PRKAA2: variants seen among roughly 807,000 people sequenced by gnomAD.
PRKAA2 encodes 5'-AMP-activated protein kinase catalytic subunit alpha-2.
In PRKAA2, 40 loss-of-function variants were observed where a neutral mutation model predicts 56.3. The observed-to-expected ratio is 0.71, with a 90% CI of 0.55 to 0.92. The LOEUF (loss-of-function observed/expected upper bound fraction) is 0.92, where lower values mean the gene tolerates loss of function less well. PRKAA2 is among the 40% of genes least tolerant of loss of function. The pLI is 0.00. For missense variants in PRKAA2, 542 were observed against 686.9 expected (o/e 0.79, Z 2.36); for synonymous variants, 214 against 234.2 (o/e 0.91, Z 0.79).
intron 1 of PRKAA2, among the ~76,000 whole-genome samples, chr1:56,669,994 C>G (rs1253340029): frequency 1.3e-5 from 2 of 152,142 alleles, no homozygotes; most frequent in Non-Finnish European, 2.9e-5. Flanking sequence ...GATTTTTCCC[C>G]TCTTAAAATT....
At chr1:56,656,214 AAAGGATG>A (rs1223910795) in intron 1 of PRKAA2, among the ~76,000 whole-genome samples, 2 of 152,186 alleles carry the variant, frequency 1.3e-5, no homozygotes, top group African/African-American at 4.8e-5. Flanking sequence ...AAGATAGACA[AAAGGATG>A]AAAAGAAAGT....
intron 1 of PRKAA2, among the ~76,000 whole-genome samples, chr1:56,650,158 G>A (rs7547486): frequency 0.44 from 66,121 of 151,892 alleles, 14,955 homozygotes; most frequent in Middle Eastern, 0.54. Context: ...ATGGACCAAA[G>A]TTAGGGACAA....
intron 1 of PRKAA2, among the ~76,000 whole-genome samples, chr1:56,666,410 T>A (rs989607715): frequency 1.5e-4 from 23 of 152,144 alleles, no homozygotes; most frequent in Non-Finnish European, 1.6e-4. Context: ...AATCAGACTG[T>A]TGAGTTGGTG....
intron 1 of PRKAA2, among the ~76,000 whole-genome samples, chr1:56,671,658 G>T (rs930401461): frequency 2.0e-5 from 3 of 152,174 alleles, no homozygotes; most frequent in African/African-American, 7.2e-5. Context: ...CAGAAACTCA[G>T]TTCTTCCTAA....
chr1:56,674,947 A>T (rs1003349814), intron 2 of PRKAA2, among the ~76,000 whole-genome samples: 1 of 152,054 alleles, frequency 6.6e-6, no homozygotes. Context: ...GAAAGATAGA[A>T]AGTATATGTC....
At chr1:56,652,531 G>T (rs1270957246) in intron 1 of PRKAA2, among the ~76,000 whole-genome samples, 1 of 152,138 alleles carries the variant, frequency 6.6e-6, no homozygotes, top group Non-Finnish European at 1.5e-5. Context: ...AGAAAACATT[G>T]GTATAAGAAG....
chr1:56,646,248 C>T (rs1396981125), intron 1 of PRKAA2, among the ~76,000 whole-genome samples: 1 of 152,038 alleles, frequency 6.6e-6, no homozygotes, highest in Non-Finnish European at 1.5e-5. Context: ...TGGATTGGGT[C>T]AGAGGTTAAT....
intron 6 of PRKAA2, among the ~76,000 whole-genome samples, chr1:56,701,831 T>C (rs1404497923): frequency 6.6e-6 from 1 of 151,852 alleles, no homozygotes; most frequent in Non-Finnish European, 1.5e-5. Context: ...GAAGCAGAGC[T>C]TGCAGTGAGT....
chr1:56,659,397 TGAGGCAGGAGAATC>T (rs1271149882), intron 1 of PRKAA2, among the ~76,000 whole-genome samples: 1 of 150,290 alleles, frequency 6.7e-6, no homozygotes, highest in Non-Finnish European at 1.5e-5. Context: ...CTTCAGAGGC[TGAGGCAGGAGAATC>T]GCTTGAATCT....
At chr1:56,657,537 G>A (rs1643955660) in intron 1 of PRKAA2, among the ~76,000 whole-genome samples, 1 of 152,078 alleles carries the variant, frequency 6.6e-6, no homozygotes, top group Non-Finnish European at 1.5e-5. Flanking sequence ...TTGGCCAGAT[G>A]TGGTAGCACA....
intron 2 of PRKAA2, among the ~76,000 whole-genome samples, chr1:56,678,320 G>A (rs568724605): frequency 1.3e-5 from 2 of 152,332 alleles, no homozygotes; most frequent in African/African-American, 4.8e-5. Context: ...AACAGAGAGA[G>A]CAACCTTACC....
chr1:56,646,020 A>T (rs1282292134), intron 1 of PRKAA2, among the ~76,000 whole-genome samples: 6 of 152,162 alleles, frequency 3.9e-5, no homozygotes, highest in Admixed American at 1.3e-4. Flanking sequence ...ACCCCTAGAG[A>T]TGTAGTAACA....
chr1:56,657,497 G>A (rs2100385410), intron 1 of PRKAA2, among the ~76,000 whole-genome samples: 1 of 152,208 alleles, frequency 6.6e-6, no homozygotes, highest in East Asian at 1.9e-4. Flanking sequence ...CCAACATGGT[G>A]AAACCCCATC....
chr1:56,650,115 A>G (rs1234285920), intron 1 of PRKAA2, among the ~76,000 whole-genome samples: 1 of 152,124 alleles, frequency 6.6e-6, no homozygotes, highest in African/African-American at 2.4e-5. Context: ...AGAAATAAAG[A>G]AATTTTAACT....
chr1:56,674,577 T>A (rs922346135), intron 2 of PRKAA2, 55 bp downstream of exon 2: 3 of 1,316,472 alleles, frequency 2.3e-6, no homozygotes, highest in Non-Finnish European at 3.0e-6. Flanking sequence ...AAAATGTTTT[T>A]TAGGAATTTT....
intron 1 of PRKAA2, among the ~76,000 whole-genome samples, chr1:56,666,846 A>G (rs542380117): frequency 3.3e-5 from 5 of 152,278 alleles, no homozygotes; most frequent in Admixed American, 2.0e-4. Flanking sequence ...TCTTACTCCA[A>G]TTTTCCAATT....
Position 56,674,407 on chromosome 1 carries a change from A to T in PRKAA2, c.121A>T (p.Lys41Ter). Reference protein sequence around the residue: ...KIGEHQLTGHKVAVKILNRQK... With the variant: ...KIGEHQLTGH ...TGGAGAACATCAATTAACAGGCCAT[A>T]AAGTGGCAGTTAAAATCTTAAATAG... The change falls in exon 2 of 9, where the codon AAA (lysine) becomes TAA (stop). Residue 41 changes from lysine to a stop codon, truncating the protein, a stop_gained. Coordinates refer to ENST00000371244, the MANE Select transcript of PRKAA2 (RefSeq NM_006252.4). LOFTEE classifies it high-confidence loss of function. 1 of 1,580,976 alleles carries T rather than the reference A, an allele frequency of 6.3e-7. No homozygotes were observed. Among genetic ancestry groups the T allele is most frequent in the Non-Finnish European group, 8.6e-7 (1 of 1,167,238 alleles).
chr1:56,648,029 C>CAA (rs77883110), intron 1 of PRKAA2, among the ~76,000 whole-genome samples: 12 of 107,904 alleles, frequency 1.1e-4, no homozygotes, highest in East Asian at 7.5e-4. Flanking sequence ...GACTCCATCT[C>CAA]AAAAAAAAAA....
chr1:56,678,481 G>GA (rs919257143), intron 2 of PRKAA2, among the ~76,000 whole-genome samples: 19 of 149,978 alleles, frequency 1.3e-4, no homozygotes, highest in South Asian at 4.2e-4. Context: ...AACCCAAATT[G>GA]AAAAAAAAAT....
Sources: gnomAD v4.1 joint callset for allele counts (sites outside exome capture counted in the v4.1 genomes callset) on GRCh38, gnomAD v4.1.1 for gene constraint, MANE v1.5 for transcripts, NCBI Gene and HGNC (gene_info 2026-07-23, HGNC 2026-07-21) for gene names.